Variants in MRE11 observed in about 807,000 individuals in gnomAD.
MRE11 encodes the protein double-strand break repair protein MRE11.
MRE11 carries 62 observed loss-of-function variants against 91.7 expected under a neutral mutation model. The ratio of observed to expected loss-of-function variants is 0.68; its 90% CI spans 0.55 to 0.84. MRE11 has a LOEUF of 0.84. Among genes scored for constraint, MRE11 ranks in the 40% least tolerant of loss-of-function variants. MRE11 has a pLI of 0.00. For missense variants in MRE11, 796 were observed against 852.9 expected (o/e 0.93, Z 0.83); for synonymous variants, 273 against 271.4 (o/e 1.01, Z -0.06).
intron 14 of MRE11, 127 bp downstream of exon 14, chr11:94,456,149 T>G (rs1565217945): frequency 1.2e-6 from 1 of 807,294 alleles, no homozygotes; most frequent in Non-Finnish European, 2.1e-6. Context: ...AAAGCAGCCA[T>G]CCTAAGCCAA....
intron 19 of MRE11, among the ~76,000 whole-genome samples, chr11:94,423,770 G>T (rs1407293405): frequency 6.6e-6 from 1 of 152,238 alleles, no homozygotes; most frequent in Non-Finnish European, 1.5e-5. Flanking sequence ...TGAGGGTCCA[G>T]ACGATGGAGC....
At chr11:94,476,760 G>A (rs1460981820) in intron 6 of MRE11, among the ~76,000 whole-genome samples, 1 of 151,518 alleles carries the variant, frequency 6.6e-6, no homozygotes, top group Non-Finnish European at 1.5e-5. Context: ...TTGCTCCATT[G>A]CCCAGGCTGG....
At chr11:94,466,545 G>T (rs148377174) in intron 10 of MRE11, 2 of 523,336 alleles carry the variant, frequency 3.8e-6, no homozygotes, top group Non-Finnish European at 3.9e-6. Flanking sequence ...TACTTTCTAC[G>T]ACAAAACCCG....
At chr11:94,445,654 C>T in intron 16 of MRE11, 156 bp downstream of exon 16, 1 of 653,770 alleles carries the variant, frequency 1.5e-6, no homozygotes, top group South Asian at 1.7e-5. Context: ...AACTCTAATG[C>T]ATAGCAAAGA....
rs747848526 is a variant in MRE11, at chr11:94,479,667, T to C, written c.402+7A>G. 2 of 1,608,668 alleles carry C rather than the reference T, an allele frequency of 1.2e-6. No homozygotes were observed. The highest frequency in any genetic ancestry group is 1.3e-5 in the African/African-American group (1 of 74,812). ...ATTCCAACAAACTCTAAGAAAACAA[T>C]AATTACCCCTGTGGGATCGTCATGA... On this transcript the variant is annotated splice_region_variant and intron_variant, in intron 5 of 19. Coordinates refer to ENST00000323929, the MANE Select transcript of MRE11 (RefSeq NM_005591.4).
rs753148077 is a variant in MRE11 at position 94,456,280 on chromosome 11, C to A, written c.1559G>T (p.Arg520Leu). ...KNTNEEDDEV[R>L]EAMTRARALR... ...AATTTGCAGCAGAATAATTACCTCACGGACTTCATCATCTTCTTCATTAGT... is the reference window on the plus strand; with the variant it reads ...AATTTGCAGCAGAATAATTACCTCAAGGACTTCATCATCTTCTTCATTAGT... Residue 520 changes from arginine (R) to leucine (L), a missense_variant, in exon 14 of 20, where the codon CGT (arginine) becomes CTT (leucine). Transcript: ENST00000323929. 1 of 1,613,204 alleles carries A rather than the reference C, an allele frequency of 6.2e-7. No homozygotes were observed. The highest frequency in any genetic ancestry group is 8.5e-7 in the Non-Finnish European group (1 of 1,179,590).
intron 19 of MRE11, among the ~76,000 whole-genome samples, chr11:94,422,593 A>G (rs1382366976): frequency 6.6e-6 from 1 of 152,232 alleles, no homozygotes; most frequent in South Asian, 2.1e-4. Flanking sequence ...AACTGAGTGA[A>G]TATCATATTT....
At chr11:94,474,361 T>A (rs1455829524) in intron 7 of MRE11, among the ~76,000 whole-genome samples, 1 of 152,078 alleles carries the variant, frequency 6.6e-6, no homozygotes, top group Admixed American at 6.6e-5. Context: ...TAAAAGAGAA[T>A]GCAATGGTCA....
intron 14 of MRE11, among the ~76,000 whole-genome samples, chr11:94,455,896 TTTATTTA>T (rs1946237111): frequency 1.3e-5 from 2 of 152,132 alleles, no homozygotes. Context: ...TTTATTTATT[TTTATTTA>T]TTTATTTTAG....
At chr11:94,464,368 A>C in intron 10 of MRE11, 129 bp from the exon 11 acceptor site, 2 of 1,260,568 alleles carry the variant, frequency 1.6e-6, no homozygotes, top group Non-Finnish European at 2.2e-6. Flanking sequence ...AATTTTCTAC[A>C]GTAGATCATG....
At chr11:94,501,977 T>C in the MRE11 span, among the ~76,000 whole-genome samples, 133 of 152,352 alleles carry the variant, frequency 8.7e-4, no homozygotes, top group East Asian at 0.025. Context: ...TCATCTTTTA[T>C]GAATGAAATA....
upstream of MRE11, chr11:94,496,865 A>G (rs530420052): frequency 6.2e-7 from 1 of 1,613,972 alleles, no homozygotes; most frequent in East Asian, 2.2e-5. Flanking sequence ...GCAAGATGAC[A>G]AAAATGAAGA....
chr11:94,433,033 C>A (rs534220885), intron 18 of MRE11, among the ~76,000 whole-genome samples: 161 of 152,304 alleles, frequency 1.1e-3, no homozygotes, highest in Non-Finnish European at 2.0e-3. Context: ...AATGCTCCAG[C>A]AAGAAACCAG....
chr11:94,433,030 C>T (rs976183771), intron 18 of MRE11, among the ~76,000 whole-genome samples: 4 of 152,192 alleles, frequency 2.6e-5, no homozygotes, highest in African/African-American at 9.6e-5. Context: ...GTAAATGCTC[C>T]AGCAAGAAAC....
rs774421955 is a variant in MRE11 at position 94,490,983 on chromosome 11, A to G, written c.21-18T>C. 1 of 1,299,088 alleles carries G rather than the reference A, an allele frequency of 7.7e-7. No individual in the cohort carries two copies. Among genetic ancestry groups the G allele is most frequent in the Non-Finnish European group, 1.1e-6 (1 of 910,102 alleles). 80.5% of individuals were successfully genotyped at this position (1,299,088 alleles called of 1,614,324 possible). On this transcript the variant is annotated intron_variant, in intron 2 of 19. Transcript: ENST00000323929. Reference sequence around the variant, plus strand: ...CATCATCACTATATTAAGAAAGAAGAAACATTTCAATATATTAATAATTCA... The same window carrying G: ...CATCATCACTATATTAAGAAAGAAGGAACATTTCAATATATTAATAATTCA...
intron 14 of MRE11, among the ~76,000 whole-genome samples, chr11:94,455,335 A>G (rs565838842): frequency 4.6e-5 from 7 of 152,212 alleles, no homozygotes; most frequent in Non-Finnish European, 8.8e-5. Context: ...CTAAATTGAG[A>G]AAATCTTGTG....
chr11:94,507,953 G>T, the MRE11 span, among the ~76,000 whole-genome samples: 1 of 152,228 alleles, frequency 6.6e-6, no homozygotes, highest in Non-Finnish European at 1.5e-5. Context: ...TTAATGAAGA[G>T]AATATCTTAA....
Position 94,459,487 on chromosome 11 carries a change from A to C in MRE11, c.1421T>G (p.Val474Gly), listed in dbSNP as rs1555009328. The C allele has an allele frequency of 6.2e-7, 1 of 1,614,100 alleles. No homozygotes were observed. The highest frequency in any genetic ancestry group is 8.5e-7 in the Non-Finnish European group (1 of 1,179,954). Residue 474 changes from valine (V) to glycine (G), a missense_variant, in exon 13 of 20, where the codon GTG becomes GGG. Physicochemically the swap from Val to Gly is moderately radical, Grantham distance 109. Coordinates refer to ENST00000323929, the MANE Select transcript of MRE11 (RefSeq NM_005591.4). ...KEEKDAIEEL[V>G]KYQLEKTQRF... ...CTGTGTTTTTTCCAACTGGTATTTC[A>C]CTAATTCCTCAATGGCATCTTTCTC... is the stretch of plus-strand genomic sequence containing the variant.
At chr11:94,423,321 G>C (rs1354651681) in intron 19 of MRE11, among the ~76,000 whole-genome samples, 4 of 152,128 alleles carry the variant, frequency 2.6e-5, no homozygotes, top group Non-Finnish European at 5.9e-5. Context: ...ATGGACCTCA[G>C]AGATCCTAGC....
Sources: allele counts gnomAD v4.1 joint callset (sites outside exome capture counted in the v4.1 genomes callset), GRCh38; gene constraint gnomAD v4.1.1; transcripts MANE v1.5; gene names NCBI Gene and HGNC (gene_info 2026-07-23, HGNC 2026-07-21).